The following PTCH2 variants were observed in gnomAD, a reference collection of about 807,000 sequenced individuals.
PTCH2 encodes protein patched homolog 2.
In PTCH2, 96 loss-of-function variants were observed where a neutral mutation model predicts 117.9. The ratio of observed to expected loss-of-function variants is 0.81; its 90% CI spans 0.69 to 0.96. PTCH2 has a LOEUF of 0.96. Among genes scored for constraint, PTCH2 ranks in the 50% least tolerant of loss-of-function variants. The pLI, the probability that PTCH2 is intolerant of heterozygous loss-of-function variation, is 0.00. For missense variants in PTCH2, 1,379 were observed against 1,562.5 expected (o/e 0.88, Z 1.98); for synonymous variants, 615 against 660.9 (o/e 0.93, Z 1.06).
chr1:44,832,118 G>A (rs1480192320), intron 3 of PTCH2, 34 bp downstream of exon 3: 16 of 1,613,588 alleles, frequency 9.9e-6, no homozygotes, highest in African/African-American at 2.7e-5. Flanking sequence ...AGCACGCCTC[G>A]CCCCCAGCTG....
At position 44,841,819 on chromosome 1, in the gene PTCH2, G is replaced by C. The variant is rs759285203; in HGVS notation, c.265+28C>G. ...CTTGTCTTGGGCTCACCATACCTGA[G>C]CAGCTATGGCCAGTGTCCACAACTT... On this transcript the variant is annotated intron_variant, in intron 2 of 21. Coordinates refer to ENST00000372192, the MANE Select transcript of PTCH2 (RefSeq NM_003738.5). 11 of 1,609,160 alleles carry C rather than the reference G, an allele frequency of 6.8e-6. No individual in the cohort carries two copies. The South Asian group carries it at 1.2e-4, about 18-fold the overall frequency.
chr1:44,830,464 A>T (rs1260222656), intron 6 of PTCH2, among the ~76,000 whole-genome samples: 1 of 151,834 alleles, frequency 6.6e-6, no homozygotes, highest in Non-Finnish European at 1.5e-5. Context: ...TTAGCCGGGC[A>T]TGGTGGTGGG....
chr1:44,838,504 G>A (rs944814711), intron 2 of PTCH2, among the ~76,000 whole-genome samples: 1 of 152,232 alleles, frequency 6.6e-6, no homozygotes, highest in East Asian at 1.9e-4. Context: ...GCCTCCCAAA[G>A]TGCTAGGATT....
At chr1:44,828,454 C>T (rs1410393693) in intron 12 of PTCH2, 40 bp from the exon 13 acceptor site, 1 of 1,614,134 alleles carries the variant, frequency 6.2e-7, no homozygotes, top group Middle Eastern at 1.6e-4. Context: ...CTGGATGAAG[C>T]TTGGCCTCAG....
Position 44,831,725 on chromosome 1 carries a change from C to G in PTCH2, c.598G>C (p.Gly200Arg), listed in dbSNP as rs1342658427. ...ACTCACGGCAGGTAGGCGGAGCCCC[C>G]TTGGAGTTTGGCTCCCTCCCAGAAG... ...DCFWEGAKLQ[G>R]GSAYLPGRPD... is the part of the protein sequence containing the mutation. Residue 200 changes from glycine (G) to arginine (R), a missense_variant, in exon 5 of 22, where the codon GGG becomes CGG. Coordinates refer to ENST00000372192, the MANE Select transcript of PTCH2 (RefSeq NM_003738.5). This position sits in a 1 kb window ranked among gnomAD's most constrained non-coding sequence, Gnocchi z 4.3. 6.4e-7 allele frequency: 1 copy of G among 1,564,268 alleles called. No homozygotes were observed. The highest frequency in any genetic ancestry group is 1.4e-5 in the African/African-American group (1 of 73,432).
In PTCH2 at chr1:44,837,340, C is replaced by T. The variant is rs185953255; in HGVS notation, c.265+4507G>A. ...CACGATCTCAGCTCACTGCAACCTC[C>T]GCCTCCTGGGTTCAAGTGATCTCCT... On this transcript the variant is annotated intron_variant, in intron 2 of 21. Transcript: ENST00000372192. Among the ~76,000 whole-genome samples, 425 of 152,254 alleles carry T rather than the reference C, an allele frequency of 2.8e-3. 2 individuals carry two copies. The highest frequency in any genetic ancestry group is 9.6e-3 in the African/African-American group (400 of 41,572).
Position 44,843,058 on chromosome 1 carries a change from C to A in PTCH2, c.-126G>T. 1.4e-6 allele frequency: 2 copies of A among 1,426,168 alleles called. No homozygotes were observed. The highest frequency in any genetic ancestry group is 1.8e-6 in the Non-Finnish European group (2 of 1,094,426). The allele number at this position is 1,426,168 out of a possible 1,614,324, so 88.3% of individuals were successfully genotyped here. ...TTCAGTGGGGCCGCCAAGGCGCGGG[C>A]GTGGGAGAGACTGTGGGGTGTGGGT... On this transcript the variant is annotated 5_prime_UTR_variant, in exon 1 of 22. Coordinates refer to ENST00000372192, the MANE Select transcript of PTCH2 (RefSeq NM_003738.5).
At position 44,829,637 on chromosome 1, in the gene PTCH2, C is replaced by A. The variant is rs1281198725; in HGVS notation, c.1060G>T (p.Ala354Ser). ...ACCTGCACAAAGCGCCGCTGCCAGG[C>A]TTGTAGCACTGTGCTGGCCTGCTCC... ...SEEQASTVLQ[A>S]WQRRFVQLAQ... The change falls in exon 8 of 22, where the codon GCC becomes TCC. Residue 354 changes from alanine to serine, a missense_variant. Physicochemically the swap from Ala to Ser is moderately conservative, Grantham distance 99. Transcript: ENST00000372192. The A allele has an allele frequency of 6.2e-7, 1 of 1,614,108 alleles. No homozygotes were observed. The highest frequency in any genetic ancestry group is 8.5e-7 in the Non-Finnish European group (1 of 1,180,058).
Position 44,831,015 on chromosome 1 carries a change from G to C in PTCH2, c.646C>G (p.Leu216Val), listed in dbSNP as rs1653421269. The C allele has an allele frequency of 6.2e-7, 1 of 1,612,058 alleles. No individual in the cohort carries two copies. Among genetic ancestry groups the C allele is most frequent in the Admixed American group, 1.7e-5 (1 of 59,970 alleles). Residue 216 changes from leucine to valine, a missense_variant, in exon 6 of 22, where the codon CTG becomes GTG. By Grantham distance (32) the Leu-to-Val change is conservative (BLOSUM62 1). Transcript: ENST00000372192. The surrounding 1 kb of genome is among the most constrained non-coding windows in gnomAD (Gnocchi z 4.3). ...TCCTCCAGCAGCTGCTCTGGATCCA[G>C]GTTGGTCCACTGGATATCCGGGCGG... is the stretch of plus-strand genomic sequence containing the variant. ...PGRPDIQWTN[L>V]DPEQLLEELG...
chr1:44,823,157 G>C lies in PTCH2; in HGVS notation c.3269C>G (p.Ala1090Gly). 1 of 1,614,070 alleles carries C rather than the reference G, an allele frequency of 6.2e-7. No homozygotes were observed. ...HFDFIVRYFF[A>G]ALTVLTLLGL... is the part of the protein sequence containing the mutation. ...CAGGAGCGTGAGCACTGTCAGCGCC[G>C]CAAAGAAGTACCTAGGGGTAGGGTG... The change falls in exon 21 of 22, where the codon GCG becomes GGG. Residue 1090 changes from alanine (A) to glycine (G), a missense_variant. Transcript: ENST00000372192. The surrounding 1 kb of genome is among the most constrained non-coding windows in gnomAD (Gnocchi z 5.1).
chr1:44,821,200 C>G (rs1309929680), downstream of PTCH2, among the ~76,000 whole-genome samples: 2 of 152,128 alleles, frequency 1.3e-5, no homozygotes, highest in Non-Finnish European at 2.9e-5. Context: ...CCTCCCCACG[C>G]CTCTAGGTGA....
Position 44,827,984 on chromosome 1 carries a change from T to G in PTCH2, c.1917A>C (p.Gly639=). ...GGCCTAGAAGGTCCCGTGTGGACCCTCCAGGGCTGAAGAGCTCAGAGCCCA... is the reference window on the plus strand; with the variant it reads ...GGCCTAGAAGGTCCCGTGTGGACCCGCCAGGGCTGAAGAGCTCAGAGCCCA... ...DPLGSELFSP[G]GSTRDLLGQE... is the part of the protein sequence containing the mutation. The change falls in exon 14 of 22, where the codon GGA becomes GGC. Residue 639 remains glycine, a synonymous_variant. Coordinates refer to ENST00000372192, the MANE Select transcript of PTCH2 (RefSeq NM_003738.5). The G allele has an allele frequency of 6.2e-7, 1 of 1,614,134 alleles. No homozygotes were observed. The highest frequency in any genetic ancestry group is 8.5e-7 in the Non-Finnish European group (1 of 1,180,026).
rs2148877694 is a variant in PTCH2, at chr1:44,829,473, T to A, written c.1144A>T (p.Thr382Ser). ...SQQIHAFSST[T>S]LDDILHAFSE... ...AACGCATGCAGGATGTCATCCAGGG[T>A]GGTGGAGGAGAAGGCATGGATCTGC... The change falls in exon 9 of 22, where the codon ACC (threonine) becomes TCC (serine). Residue 382 changes from threonine (T) to serine (S), a missense_variant. Transcript: ENST00000372192. The A allele has an allele frequency of 6.2e-7, 1 of 1,614,008 alleles. No individual in the cohort carries two copies. The highest frequency in any genetic ancestry group is 8.5e-7 in the Non-Finnish European group (1 of 1,179,982).
rs1405674877 is a variant in PTCH2 at position 44,830,838 on chromosome 1, T to G, written c.813+10A>C. ...ACAGCCTTTCCCTGGCAGACCTGGT[T>G]GGAACCCACCTGCCTGCTGTGATGG... On this transcript the variant is annotated intron_variant, in intron 6 of 21. Transcript: ENST00000372192. 2 of 1,536,148 alleles carry G rather than the reference T, an allele frequency of 1.3e-6. No individual in the cohort carries two copies. Among genetic ancestry groups the G allele is most frequent in the Non-Finnish European group, 1.8e-6 (2 of 1,135,262 alleles).
At position 44,827,884 on chromosome 1, in the gene PTCH2, G is replaced by C; in HGVS notation, c.2017C>G (p.Arg673Gly). ...AGCAGCAACGGGGCAAACTGATAGC[G>C]GGCGAAATGGGCAAGATTCCAGCGG... ...CARWNLAHFA[R>G]YQFAPLLLQS... Residue 673 changes from arginine to glycine, a missense_variant, in exon 14 of 22, where the codon CGC (arginine) becomes GGC (glycine). Physicochemically the swap from Arg to Gly is moderately radical, Grantham distance 125. Transcript: ENST00000372192. 1 of 1,614,156 alleles carries C rather than the reference G, an allele frequency of 6.2e-7. No homozygotes were observed. The highest frequency in any genetic ancestry group is 1.1e-5 in the South Asian group (1 of 91,086).
At position 44,830,239 on chromosome 1, in the gene PTCH2, G is replaced by GTA. The variant is rs5773854; in HGVS notation, c.814-210_814-209insTA. The stretch of plus-strand genomic sequence containing the variant: ...CCCAAGGGGAAGCAGAGGCCTGGAA[G>GTA]GGCTTCTGGGAGGAGCTGGTGTAAC... On this transcript the variant is annotated intron_variant, in intron 6 of 21. Transcript: ENST00000372192. Among the ~76,000 whole-genome samples, 95,800 of 151,782 alleles carry GTA rather than the reference G, an allele frequency of 0.63. 31,179 individuals are homozygous for GTA. The highest frequency in any genetic ancestry group is 0.97 in the East Asian group (5,023 of 5,162).
chr1:44,832,944 G>A (rs1019626305), intron 2 of PTCH2, among the ~76,000 whole-genome samples: 2 of 152,100 alleles, frequency 1.3e-5, no homozygotes, highest in Admixed American at 6.5e-5. Flanking sequence ...GTGTTGGTGT[G>A]GGGGAGAGGG....
At chr1:44,821,891 G>A, downstream of PTCH2, 1 of 1,365,302 alleles carries the variant, frequency 7.3e-7, no homozygotes, top group Non-Finnish European at 9.8e-7. Flanking sequence ...ATGTTCACTT[G>A]CAAACTCCCC....
intron 2 of PTCH2, among the ~76,000 whole-genome samples, chr1:44,832,718 C>T (rs1653513360): frequency 6.6e-6 from 1 of 152,178 alleles, no homozygotes; most frequent in Non-Finnish European, 1.5e-5. Flanking sequence ...CAGTCCCTCT[C>T]TGTTCTGGTG....
Sources: gnomAD v4.1 joint callset for allele counts (sites outside exome capture counted in the v4.1 genomes callset) on GRCh38, gnomAD v4.1.1 for gene constraint, Gnocchi (gnomAD v3.1) non-coding constraint, MANE v1.5 for transcripts, NCBI Gene and HGNC (gene_info 2026-07-23, HGNC 2026-07-21) for gene names.